The following SLC25A53 variants were observed in gnomAD, a reference collection of about 807,000 sequenced individuals.
SLC25A53 encodes the protein mitochondrial carrier triple repeat protein 6.
A neutral mutation model predicts 15.0 loss-of-function variants in SLC25A53; 5 were observed. The observed-to-expected ratio is 0.33, with a 90% CI of 0.17 to 0.70. The LOEUF is 0.70. Ranked by LOEUF, SLC25A53 falls within the 30% of genes least tolerant of loss-of-function variation. SLC25A53 has a pLI of 0.67. For missense variants in SLC25A53, 216 were observed against 241.6 expected, an observed-to-expected ratio of 0.89 and a Z score of 0.70; for synonymous variants, 95 against 100.0, an observed-to-expected ratio of 0.95 and a Z score of 0.30.
At chrX:104,125,108 G>A (rs782017661) in intron 1 of SLC25A53, among the ~76,000 whole-genome samples, 12 of 110,119 alleles carry the variant, frequency 1.1e-4, no homozygotes, top group Non-Finnish European at 2.1e-4. Flanking sequence ...GCCTCCCAAA[G>A]TGCTGGGATT....
chrX:104,155,099 T>A (rs1556371142), intron 1 of SLC25A53, among the ~76,000 whole-genome samples: 1 of 111,055 alleles, frequency 9.0e-6, no homozygotes, highest in East Asian at 2.8e-4. Flanking sequence ...TCATATCTAC[T>A]GTGTCTGAAT....
intron 1 of SLC25A53, among the ~76,000 whole-genome samples, chrX:104,110,173 C>A (rs1368331858): frequency 8.9e-6 from 1 of 112,008 alleles, no homozygotes; most frequent in Non-Finnish European, 1.9e-5. Flanking sequence ...GCTGCAAATA[C>A]CTAATTTGGT....
intron 1 of SLC25A53, among the ~76,000 whole-genome samples, chrX:104,152,435 C>T (rs2075487747): frequency 9.1e-6 from 1 of 109,631 alleles, no homozygotes; most frequent in South Asian, 4.0e-4. Context: ...GCATAGTATT[C>T]CATGGTGTAT....
chrX:104,108,413 T>C (rs2075322702), intron 1 of SLC25A53, among the ~76,000 whole-genome samples: 1 of 111,480 alleles, frequency 9.0e-6, no homozygotes, highest in African/African-American at 3.3e-5. Flanking sequence ...GCTTCTGGAC[T>C]TCACTATCTG....
At chrX:104,139,893 T>C (rs937688596) in intron 1 of SLC25A53, among the ~76,000 whole-genome samples, 4 of 113,410 alleles carry the variant, frequency 3.5e-5, no homozygotes, top group Non-Finnish European at 7.5e-5. Flanking sequence ...GTAAACACTC[T>C]ATGCAAGACA....
chrX:104,112,417 A>AGCCGGCCC (rs2075351218), intron 1 of SLC25A53: 1 of 113,891 alleles, frequency 8.8e-6, no homozygotes, highest in Non-Finnish European at 1.9e-5. Context: ...CCCGCCGGCC[A>AGCCGGCCC]GCCGGCCCGC....
At chrX:104,109,380 C>T (rs1192483488) in intron 1 of SLC25A53, among the ~76,000 whole-genome samples, 1 of 112,228 alleles carries the variant, frequency 8.9e-6, no homozygotes, top group Non-Finnish European at 1.9e-5. Flanking sequence ...CATCATCTCG[C>T]TGATCCTCAG....
intron 1 of SLC25A53, chrX:104,130,784 G>C (rs1329084364): frequency 1.8e-5 from 2 of 111,057 alleles, no homozygotes; most frequent in Non-Finnish European, 3.8e-5. Flanking sequence ...ATTCTCCCTT[G>C]ATCTTATGTG....
At chrX:104,130,565 C>T (rs2075423199) in intron 1 of SLC25A53, 1 of 111,339 alleles carries the variant, frequency 9.0e-6, no homozygotes, top group Admixed American at 9.5e-5. Context: ...TGGGCAGACA[C>T]TTCCTGTTTT....
At chrX:104,122,317 G>GGT (rs2075397588) in intron 1 of SLC25A53, among the ~76,000 whole-genome samples, 1 of 75,334 alleles carries the variant, frequency 1.3e-5, no homozygotes, top group Admixed American at 1.6e-4. Flanking sequence ...TTTTTTTTTT[G>GGT]TTTTTTTTTT....
intron 1 of SLC25A53, chrX:104,115,009 A>G: frequency 8.4e-7 from 1 of 1,193,698 alleles, no homozygotes; most frequent in African/African-American, 1.7e-5. Flanking sequence ...CTTCAGAGGA[A>G]GAGCCAGACC....
intron 1 of SLC25A53, among the ~76,000 whole-genome samples, chrX:104,123,495 T>G (rs781876471): frequency 6.2e-5 from 7 of 112,428 alleles, no homozygotes; most frequent in Non-Finnish European, 1.3e-4. Flanking sequence ...GGAAGAGAAA[T>G]TTGAGAGAAA....
chrX:104,111,952 G>C (rs1436592137), intron 1 of SLC25A53, among the ~76,000 whole-genome samples: 1 of 111,907 alleles, frequency 8.9e-6, no homozygotes, highest in African/African-American at 3.3e-5. Flanking sequence ...GAATAGAGGA[G>C]TGCTGGCAAG....
rs1445022093 is a variant in SLC25A53, at chrX:104,142,548, A to C, written c.-32+14330T>G. On this transcript the variant is annotated intron_variant, in intron 1 of 1. Coordinates refer to ENST00000594199, the MANE Select transcript of SLC25A53 (RefSeq NM_001012755.5). ...AAACAACTCGAGATAATTGGCTGAA[A>C]ATGATTAGTGAGAGTTCCTCAAAGG... Among the ~76,000 whole-genome samples the C allele has an allele frequency of 6.3e-5, 7 of 111,542 alleles. No individual in the cohort carries two copies. The Admixed American group carries it at 6.7e-4, about 11-fold the overall frequency.
intron 1 of SLC25A53, among the ~76,000 whole-genome samples, chrX:104,124,815 A>G (rs377072366): frequency 9.4e-6 from 1 of 106,204 alleles, no homozygotes; most frequent in African/African-American, 3.4e-5. Context: ...GCACACGCTC[A>G]ACTAAAAAGA....
rs1267064563 is a variant in SLC25A53, at chrX:104,101,199, A to G, written c.*3135T>C. On this transcript the variant is annotated 3_prime_UTR_variant, in exon 2 of 2. Transcript: ENST00000594199. ...GGGTGAGGTACTGCGGAAGGGGCTCAGAGCTTCTGTGCCCTCCCTGGGTCA... is the reference window on the plus strand; with the variant it reads ...GGGTGAGGTACTGCGGAAGGGGCTCGGAGCTTCTGTGCCCTCCCTGGGTCA... The G allele has an allele frequency of 8.9e-6, 1 of 112,684 alleles. No homozygotes were observed. The highest frequency in any genetic ancestry group is 3.2e-5 in the African/African-American group (1 of 30,985). The allele number at this position is 112,684 out of a possible 1,213,427, so 9.3% of individuals were successfully genotyped here. A position where few individuals can be genotyped will look rare whatever the true frequency, so the allele number is the denominator to read the frequency against.
At chrX:104,117,476 T>C (rs1291917671) in intron 1 of SLC25A53, among the ~76,000 whole-genome samples, 1 of 110,881 alleles carries the variant, frequency 9.0e-6, no homozygotes, top group Non-Finnish European at 1.9e-5. Context: ...CCCCTCTGCC[T>C]CTGACCTTTT....
intron 1 of SLC25A53, chrX:104,115,975 C>G (rs1239701277): frequency 8.9e-6 from 1 of 112,702 alleles, no homozygotes; most frequent in Non-Finnish European, 1.9e-5. Context: ...AGAAAGGAAG[C>G]TGAAATGGAC....
At chrX:104,140,696 C>G (rs1231727765) in intron 1 of SLC25A53, among the ~76,000 whole-genome samples, 2 of 111,406 alleles carry the variant, frequency 1.8e-5, no homozygotes, top group Non-Finnish European at 3.8e-5. Context: ...AAAAAATGAG[C>G]TCAAACGTAT....
Sources: gnomAD v4.1 joint callset for allele counts (sites outside exome capture counted in the v4.1 genomes callset) on GRCh38, gnomAD v4.1.1 for gene constraint, MANE v1.5 for transcripts, NCBI Gene and HGNC (gene_info 2026-07-23, HGNC 2026-07-21) for gene names.